The following CUL1 variants were observed in gnomAD, a reference collection of about 807,000 sequenced individuals.
CUL1 encodes the protein cullin 1, also known as cullin-1.
In CUL1, 24 loss-of-function variants were observed where a neutral mutation model predicts 118.0. That is an observed-to-expected ratio of 0.20 (90% CI 0.15 to 0.29). The LOEUF (loss-of-function observed/expected upper bound fraction) is 0.29, where lower values mean the gene tolerates loss of function less well. CUL1 is among the 10% of genes least tolerant of loss of function. CUL1 has a pLI of 1.00. For synonymous variants in CUL1, 332 were observed against 340.4 expected (o/e 0.98, Z 0.27); for missense variants, 361 against 933.8 (o/e 0.39, Z 7.99).
intron 1 of CUL1, among the ~76,000 whole-genome samples, chr7:148,714,856 A>G (rs1798164056): frequency 6.6e-6 from 1 of 152,020 alleles, no homozygotes; most frequent in Non-Finnish European, 1.5e-5. Context: ...GCTGTAAGTA[A>G]GTATCATTGG....
At chr7:148,771,296 G>C (rs756058835) in intron 9 of CUL1, among the ~76,000 whole-genome samples, 3 of 152,162 alleles carry the variant, frequency 2.0e-5, no homozygotes, top group Non-Finnish European at 4.4e-5. Flanking sequence ...AATTCGTAGA[G>C]GTTTCCAGTT....
At chr7:148,797,525 G>A (rs58207173) in intron 17 of CUL1, among the ~76,000 whole-genome samples, 2,813 of 152,106 alleles carry the variant, frequency 0.018, 101 homozygotes, top group African/African-American at 0.064. Context: ...TTTCAGATAA[G>A]GGTTACTCAA....
At chr7:148,760,845 T>C (rs1799804520) in intron 7 of CUL1, among the ~76,000 whole-genome samples, 1 of 152,248 alleles carries the variant, frequency 6.6e-6, no homozygotes, top group Admixed American at 6.5e-5. Context: ...TTGCAAACTT[T>C]AATTTTTTGC....
intron 15 of CUL1, 93 bp from the exon 16 acceptor site, chr7:148,790,217 A>C: frequency 7.4e-7 from 1 of 1,342,864 alleles, no homozygotes; most frequent in Admixed American, 1.8e-5. Context: ...CTGACTTTGT[A>C]CTGTAAGCTT....
intron 1 of CUL1, among the ~76,000 whole-genome samples, chr7:148,706,224 A>G (rs1457423427): frequency 6.6e-6 from 1 of 152,240 alleles, no homozygotes; most frequent in Non-Finnish European, 1.5e-5. Flanking sequence ...TCTGAAATTC[A>G]AAAGACTTCT....
At chr7:148,718,573 A>G (rs1798290724) in intron 1 of CUL1, among the ~76,000 whole-genome samples, 1 of 152,154 alleles carries the variant, frequency 6.6e-6, no homozygotes, top group African/African-American at 2.4e-5. Flanking sequence ...TTATTGCCAA[A>G]TAGTCTGACT....
At chr7:148,742,759 G>A (rs139519566) in intron 2 of CUL1, among the ~76,000 whole-genome samples, 4 of 151,714 alleles carry the variant, frequency 2.6e-5, no homozygotes, top group Admixed American at 1.3e-4. Context: ...GCACCACCAC[G>A]CCCAGCTAAT....
At chr7:148,727,654 T>C (rs969554416) in intron 1 of CUL1, among the ~76,000 whole-genome samples, 5 of 152,092 alleles carry the variant, frequency 3.3e-5, no homozygotes, top group African/African-American at 4.8e-5. Context: ...AAGCCTCCTT[T>C]GAAAGTATGA....
In CUL1 at chr7:148,725,219, G is replaced by GCGCGCACACACA; in HGVS notation, c.-161-4742_-161-4741insGCGCACACACAC. Among the ~76,000 whole-genome samples, 959 of 140,126 alleles carry GCGCGCACACACA rather than the reference G, an allele frequency of 6.8e-3. 18 individuals carry two copies. The highest frequency in any genetic ancestry group is 0.027 in the Admixed American group (389 of 14,184). The allele number at this position is 140,126 out of a possible 152,430, so 91.9% of individuals were successfully genotyped here. ...CGTGTACACACACACACACGCGCGCGCTCACACACACACACACACACACAC... is the reference window on the plus strand; with the variant it reads ...CGTGTACACACACACACACGCGCGCGCGCGCACACACACTCACACACACACACACACACACAC... On this transcript the variant is annotated intron_variant, in intron 1 of 21. Transcript: ENST00000325222.
At chr7:148,713,540 A>G (rs762853544) in intron 1 of CUL1, among the ~76,000 whole-genome samples, 3 of 152,144 alleles carry the variant, frequency 2.0e-5, no homozygotes, top group Non-Finnish European at 4.4e-5. Context: ...TAGGATTTAA[A>G]AGGACCTTCC....
At position 148,790,345 on chromosome 7, in the gene CUL1, C is replaced by T. The variant is rs776538560; in HGVS notation, c.1710C>T (p.Tyr570=). The part of the protein sequence containing the change: ...ERSYQRFTAF[Y]ASRHSGRKLT... ...GTTATCAGCGATTCACAGCTTTCTA[C>T]GCCAGCCGCCACAGTGGCCGAAAAT... The change falls in exon 16 of 22, where the codon TAC becomes TAT. Residue 570 remains tyrosine, a synonymous_variant. Coordinates refer to ENST00000325222, the MANE Select transcript of CUL1 (RefSeq NM_003592.3). The T allele has an allele frequency of 5.6e-6, 9 of 1,614,092 alleles. No homozygotes were observed. Among genetic ancestry groups the T allele is most frequent in the South Asian group, 3.3e-5 (3 of 91,084 alleles).
intron 2 of CUL1, among the ~76,000 whole-genome samples, chr7:148,740,439 A>G (rs939365360): frequency 1.8e-4 from 28 of 152,232 alleles, no homozygotes; most frequent in African/African-American, 6.0e-4. Context: ...ATATTCACAG[A>G]TAATGTTCAA....
At chr7:148,748,830 A>G (rs575680973) in intron 2 of CUL1, among the ~76,000 whole-genome samples, 1 of 152,250 alleles carries the variant, frequency 6.6e-6, no homozygotes. Flanking sequence ...TAATTTTAAA[A>G]TGAAATTAAA....
Position 148,793,990 on chromosome 7 carries a change from A to C in CUL1, c.1899+1172A>C, listed in dbSNP as rs532452543. Among the ~76,000 whole-genome samples the C allele has an allele frequency of 2.0e-5, 3 of 152,154 alleles. No individual in the cohort carries two copies. In the South Asian group the frequency reaches 6.2e-4, roughly 32 times the overall value. ...TGCAGTTTTTGACTTGCATTTCTCTAACAACTAATGATGTGTAGAATCTTT... is the reference window on the plus strand; with the variant it reads ...TGCAGTTTTTGACTTGCATTTCTCTCACAACTAATGATGTGTAGAATCTTT... On this transcript the variant is annotated intron_variant, in intron 17 of 21. Coordinates refer to ENST00000325222, the MANE Select transcript of CUL1 (RefSeq NM_003592.3).
chr7:148,762,593 CAG>C (rs1320332082), intron 7 of CUL1, among the ~76,000 whole-genome samples: 1 of 152,216 alleles, frequency 6.6e-6, no homozygotes, highest in Non-Finnish European at 1.5e-5. Flanking sequence ...TTTAATATGA[CAG>C]TGTTGTATTC....
chr7:148,755,013 G>A (rs1024146284), intron 3 of CUL1, among the ~76,000 whole-genome samples: 6 of 152,066 alleles, frequency 3.9e-5, no homozygotes, highest in South Asian at 4.1e-4. Flanking sequence ...TCCACCTCCC[G>A]AAGTGTTGGG....
At chr7:148,716,730 T>C (rs190479941) in intron 1 of CUL1, among the ~76,000 whole-genome samples, 1 of 152,362 alleles carries the variant, frequency 6.6e-6, no homozygotes, top group African/African-American at 2.4e-5. Flanking sequence ...ATTTACTTTC[T>C]TATCAGTATG....
At chr7:148,718,874 A>G (rs1164943842) in intron 1 of CUL1, among the ~76,000 whole-genome samples, 6 of 152,244 alleles carry the variant, frequency 3.9e-5, no homozygotes, top group African/African-American at 1.4e-4. Context: ...GATAAATTCA[A>G]GTCTTGAGAA....
At chr7:148,767,257 C>A (rs1191285258) in intron 8 of CUL1, among the ~76,000 whole-genome samples, 1 of 151,556 alleles carries the variant, frequency 6.6e-6, no homozygotes, top group Admixed American at 6.6e-5. Flanking sequence ...ATTTGAGTGC[C>A]TATTATGTGT....
Sources: gnomAD v4.1 joint callset for allele counts (sites outside exome capture counted in the v4.1 genomes callset) on GRCh38, gnomAD v4.1.1 for gene constraint, MANE v1.5 for transcripts, NCBI Gene and HGNC (gene_info 2026-07-23, HGNC 2026-07-21) for gene names.